OSBPL2: variants seen among roughly 807,000 people sequenced by gnomAD.
OSBPL2 encodes the protein oxysterol binding protein like 2, also known as oxysterol-binding protein-related protein 2.
In OSBPL2, 18 loss-of-function variants were observed where a neutral mutation model predicts 58.4. The observed-to-expected ratio is 0.31, with a 90% CI of 0.21 to 0.46. The LOEUF (loss-of-function observed/expected upper bound fraction) is 0.46. OSBPL2 is among the 20% of genes least tolerant of loss of function. The pLI is 1.00. For missense variants in OSBPL2, 461 were observed against 616.5 expected (o/e 0.75, Z 2.67); for synonymous variants, 221 against 234.1 (o/e 0.94, Z 0.51).
chr20:62,256,783 C>T (rs942452728), intron 2 of OSBPL2, among the ~76,000 whole-genome samples: 1 of 152,204 alleles, frequency 6.6e-6, no homozygotes, highest in African/African-American at 2.4e-5. Context: ...TGTGACGGGG[C>T]GGCTAGAGGA....
In OSBPL2 at chr20:62,269,814, C is replaced by G. The variant is rs924026606; in HGVS notation, c.259-2311C>G. 1.3e-5 allele frequency among the ~76,000 whole-genome samples: 2 copies of G among 152,232 alleles called. No individual in the cohort carries two copies. The highest frequency in any genetic ancestry group is 2.9e-5 in the Non-Finnish European group (2 of 68,046). The stretch of plus-strand genomic sequence containing the variant: ...GGGTCACCTCTCTTCCTGCTTTCCT[C>G]GGCAGCCACATTCCCTTGTGCAGTC... On this transcript the variant is annotated intron_variant, in intron 4 of 13. Transcript: ENST00000313733. The surrounding 1 kb of genome is among the most constrained non-coding windows in gnomAD (Gnocchi z 4.2).
intron 1 of OSBPL2, among the ~76,000 whole-genome samples, chr20:62,243,176 C>T (rs1231815174): frequency 1.3e-5 from 2 of 152,230 alleles, no homozygotes; most frequent in African/African-American, 2.4e-5. Flanking sequence ...CGTGGGGCTA[C>T]CCTCTTACTG....
In OSBPL2 at chr20:62,294,080, C is replaced by G. The variant is rs1983711105; in HGVS notation, c.*193C>G. 2.8e-6 allele frequency: 2 copies of G among 722,256 alleles called. No homozygotes were observed. Among genetic ancestry groups the G allele is most frequent in the Admixed American group, 6.9e-5 (2 of 29,100 alleles). 44.7% of individuals were successfully genotyped at this position (722,256 alleles called of 1,614,324 possible). A position where few individuals can be genotyped will look rare whatever the true frequency, so the allele number is the denominator to read the frequency against. On this transcript the variant is annotated 3_prime_UTR_variant, in exon 14 of 14. Coordinates refer to ENST00000313733, the MANE Select transcript of OSBPL2 (RefSeq NM_144498.4). ...CAAACATTTCACTCTGCTGTGCCGT[C>G]TCTTCATAAAGCTTCACTTGGGATC...
At chr20:62,291,245 A>C in intron 12 of OSBPL2, 1 of 145,140 alleles carries the variant, frequency 6.9e-6, no homozygotes, top group Non-Finnish European at 1.5e-5. Context: ...TTGTATTCAG[A>C]ATGTGTGCCC....
At chr20:62,250,369 A>G (rs144238917) in intron 1 of OSBPL2, among the ~76,000 whole-genome samples, 57 of 152,276 alleles carry the variant, frequency 3.7e-4, no homozygotes, top group Admixed American at 1.3e-3. Context: ...ACTGTCGCAC[A>G]TGCAGATGTG....
chr20:62,262,724 T>A (rs1202102934), intron 3 of OSBPL2, among the ~76,000 whole-genome samples: 2 of 152,180 alleles, frequency 1.3e-5, no homozygotes, highest in African/African-American at 4.8e-5. Flanking sequence ...AGACAAGAGC[T>A]CGTGCTTTCA....
chr20:62,243,836 T>A (rs1458681732), intron 1 of OSBPL2, among the ~76,000 whole-genome samples: 1 of 102,456 alleles, frequency 9.8e-6, no homozygotes, highest in East Asian at 2.8e-4. Flanking sequence ...TTTTTCCTGT[T>A]TTTTTAAATT....
chr20:62,256,324 AGT>A, intron 2 of OSBPL2, 103 bp downstream of exon 2: 1 of 1,013,420 alleles, frequency 9.9e-7, no homozygotes, highest in Non-Finnish European at 1.5e-6. Flanking sequence ...TCAGTAAAGC[AGT>A]GTGTGGGTGA....
chr20:62,247,863 C>T (rs1044496774), intron 1 of OSBPL2, among the ~76,000 whole-genome samples: 1 of 151,930 alleles, frequency 6.6e-6, no homozygotes, highest in Non-Finnish European at 1.5e-5. Context: ...TGGAGTTTCA[C>T]CATATTGGCC....
chr20:62,270,116 C>A (rs1981960799), intron 4 of OSBPL2, among the ~76,000 whole-genome samples: 1 of 152,212 alleles, frequency 6.6e-6, no homozygotes, highest in Admixed American at 6.5e-5. Flanking sequence ...TGTGCACACC[C>A]CGCCCACCCT....
Position 62,256,157 on chromosome 20 carries a change from A to AG in OSBPL2, c.-24dup. ...ATGATTCAGTAGAAGAGCACATGTC[A>AG]GGGGCAGTGGAGGCTGGCTGCTGAA... is the stretch of plus-strand genomic sequence containing the variant. On this transcript the variant is annotated 5_prime_UTR_variant, in exon 2 of 14. The change abolishes the stop of an existing upstream ORF in the 5' untranslated region. Transcript: ENST00000313733. The AG allele has an allele frequency of 1.2e-6, 2 of 1,612,678 alleles. No individual in the cohort carries two copies.
rs150719610 is a variant in OSBPL2 at position 62,293,890 on chromosome 20, G to C, written c.*3G>C. 49 of 1,613,108 alleles carry C rather than the reference G, an allele frequency of 3.0e-5. No homozygotes were observed. The East Asian group carries it at 1.0e-3, about 35-fold the overall frequency. On this transcript the variant is annotated 3_prime_UTR_variant, in exon 14 of 14. Coordinates refer to ENST00000313733, the MANE Select transcript of OSBPL2 (RefSeq NM_144498.4). ...CCGACTGCCCAGATATCTACTGAGG[G>C]CCTGGAGGGGCCTGGGGCCCGGGAC...
Position 62,284,043 on chromosome 20 carries a change from C to T in OSBPL2, c.873-3C>T, listed in dbSNP as rs780490682. Reference sequence around the variant, plus strand: ...TGTCTTTAAAAATCCCATTTAATTACAGCAAAAAGAAGCTCTTTATGATCT... The same window carrying T: ...TGTCTTTAAAAATCCCATTTAATTATAGCAAAAAGAAGCTCTTTATGATCT... On this transcript the variant is annotated splice_region_variant and splice_polypyrimidine_tract_variant and intron_variant, in intron 9 of 13. Transcript: ENST00000313733. The T allele has an allele frequency of 9.9e-6, 16 of 1,609,304 alleles. No individual in the cohort carries two copies. The highest frequency in any genetic ancestry group is 1.3e-5 in the Non-Finnish European group (15 of 1,176,908).
chr20:62,243,822 A>T (rs575152508), intron 1 of OSBPL2, among the ~76,000 whole-genome samples: 8 of 148,272 alleles, frequency 5.4e-5, no homozygotes, highest in African/African-American at 1.8e-4. Context: ...TGAACGAAAA[A>T]TTTTTTTTCC....
chr20:62,241,594 C>G (rs1979741938), intron 1 of OSBPL2, among the ~76,000 whole-genome samples: 1 of 152,270 alleles, frequency 6.6e-6, no homozygotes, highest in Non-Finnish European at 1.5e-5. Context: ...TCCTGAGTCA[C>G]AGCATCTTTG....
chr20:62,276,050 G>T (rs1982370921), intron 6 of OSBPL2, among the ~76,000 whole-genome samples: 1 of 151,862 alleles, frequency 6.6e-6, no homozygotes, highest in African/African-American at 2.4e-5. Context: ...CTGAGTAGTT[G>T]GGATTACAGG....
At chr20:62,246,961 A>C (rs1980161052) in intron 1 of OSBPL2, among the ~76,000 whole-genome samples, 1 of 152,092 alleles carries the variant, frequency 6.6e-6, no homozygotes, top group South Asian at 2.1e-4. Flanking sequence ...GCAACCTCGC[A>C]GTGTCATGGT....
intron 4 of OSBPL2, among the ~76,000 whole-genome samples, chr20:62,271,359 T>C (rs1461943286): frequency 2.0e-5 from 3 of 152,166 alleles, no homozygotes; most frequent in Admixed American, 2.0e-4. Context: ...GGAGGCCTCA[T>C]TTGCCAGGTT....
In OSBPL2 at chr20:62,263,673, G is replaced by A. The variant is rs1981465503; in HGVS notation, c.240G>A (p.Leu80=). The A allele has an allele frequency of 6.2e-7, 1 of 1,614,152 alleles. No individual in the cohort carries two copies. Among genetic ancestry groups the A allele is most frequent in the Non-Finnish European group, 8.5e-7 (1 of 1,180,010 alleles). ...GCGACTTCAGCGTGTGGACCATCCT[G>A]AAGAAGTGTGTTGGCCTGGTGAGTC... The part of the protein sequence containing the change: ...SRSDFSVWTI[L]KKCVGLELSK... The change falls in exon 4 of 14, where the codon CTG becomes CTA. Residue 80 remains leucine (L), a synonymous_variant. Transcript: ENST00000313733.
Sources: gnomAD v4.1 joint callset for allele counts (sites outside exome capture counted in the v4.1 genomes callset) on GRCh38, gnomAD v4.1.1 for gene constraint, Gnocchi (gnomAD v3.1) non-coding constraint, MANE v1.5 for transcripts, NCBI Gene and HGNC (gene_info 2026-07-23, HGNC 2026-07-21) for gene names.